Variants in SYNPR observed in about 807,000 individuals in gnomAD.
SYNPR encodes the protein synaptoporin.
Under a neutral mutation model 32.9 loss-of-function variants are expected in SYNPR, and 23 were observed. The ratio of observed to expected loss-of-function variants is 0.70; its 90% CI spans 0.50 to 0.99. SYNPR has a LOEUF of 0.99. Ranked by LOEUF, SYNPR falls within the 50% of genes least tolerant of loss-of-function variation. The pLI is 0.00. For missense variants in SYNPR, 318 were observed against 349.3 expected (o/e 0.91, Z 0.71); for synonymous variants, 146 against 135.9 (o/e 1.07, Z -0.52).
chr3:63,473,140 C>T (rs1057057340), intron 2 of SYNPR, among the ~76,000 whole-genome samples: 6 of 152,150 alleles, frequency 3.9e-5, no homozygotes, highest in African/African-American at 1.4e-4. Flanking sequence ...ACTTACTCCT[C>T]TCTGCCTAAA....
At chr3:63,205,856 T>C in the SYNPR span, among the ~76,000 whole-genome samples, 1 of 152,246 alleles carries the variant, frequency 6.6e-6, no homozygotes, top group Non-Finnish European at 1.5e-5. Flanking sequence ...CATCTTTTTA[T>C]GGAAATAACT....
At chr3:63,368,628 A>G (rs985147658) in intron 2 of SYNPR, among the ~76,000 whole-genome samples, 6 of 152,126 alleles carry the variant, frequency 3.9e-5, no homozygotes, top group Admixed American at 1.3e-4. Context: ...AAGGAATAAC[A>G]AAGAGTTCTG....
rs1702156873 is a variant in SYNPR, at chr3:63,533,993, A to G, written c.210-22550A>G. Among the ~76,000 whole-genome samples, 4 of 152,110 alleles carry G rather than the reference A, an allele frequency of 2.6e-5. No individual in the cohort carries two copies. The South Asian group carries it at 8.3e-4, about 32-fold the overall frequency. Reference sequence around the variant, plus strand: ...TGGAAAATATCCAAATTAGAAAACTACTTTAAGGACCAGAACACTCTTACA... The same window carrying G: ...TGGAAAATATCCAAATTAGAAAACTGCTTTAAGGACCAGAACACTCTTACA... On this transcript the variant is annotated intron_variant, in intron 3 of 5. Coordinates refer to ENST00000478300, the MANE Select transcript of SYNPR (RefSeq NM_001130003.2).
At chr3:63,524,424 G>T (rs6800006) in intron 3 of SYNPR, among the ~76,000 whole-genome samples, 12,905 of 152,170 alleles carry the variant, frequency 0.085, 685 homozygotes, top group Admixed American at 0.17. Flanking sequence ...TGGCTACGAA[G>T]GAGAAAGTTT....
chr3:63,497,311 T>C (rs1231346982), intron 3 of SYNPR, among the ~76,000 whole-genome samples: 2 of 152,222 alleles, frequency 1.3e-5, no homozygotes, highest in African/African-American at 2.4e-5. Flanking sequence ...TGTTTCATAG[T>C]ACTTACAAAG....
At chr3:63,211,027 T>C in the SYNPR span, among the ~76,000 whole-genome samples, 7 of 152,190 alleles carry the variant, frequency 4.6e-5, no homozygotes, top group African/African-American at 1.7e-4. Flanking sequence ...CTAATCTAAC[T>C]AGATTTGTTT....
chr3:63,593,713 T>C (rs1206943025), intron 4 of SYNPR, among the ~76,000 whole-genome samples: 2 of 152,192 alleles, frequency 1.3e-5, no homozygotes, highest in African/African-American at 2.4e-5. Flanking sequence ...AACAAGATGA[T>C]TGACTATTAC....
At chr3:63,288,114 A>T (rs1465523797) in intron 2 of SYNPR, among the ~76,000 whole-genome samples, 1 of 152,240 alleles carries the variant, frequency 6.6e-6, no homozygotes, top group Non-Finnish European at 1.5e-5. Flanking sequence ...TAACAAAAAA[A>T]TTATTTTAGT....
In SYNPR at chr3:63,595,715, TTTTATATATATATA is replaced by T. The variant is rs1359300880; in HGVS notation, c.409-13408_409-13395del. Among the ~76,000 whole-genome samples, 87 of 45,766 alleles carry T rather than the reference TTTTATATATATATA, an allele frequency of 1.9e-3. 1 individual carries two copies. Among genetic ancestry groups the T allele is most frequent in the Middle Eastern group, 0.011 (1 of 94 alleles). 30.0% of individuals were successfully genotyped at this position (45,766 alleles called of 152,430 possible). A position where few individuals can be genotyped will look rare whatever the true frequency, so the allele number is the denominator to read the frequency against. On this transcript the variant is annotated intron_variant, in intron 4 of 5. Transcript: ENST00000478300. ...ATGGTGGTGGGACTTCTGAATCTTA[TTTTATATATATATA>T]TATATATATATATATATATATATAT...
At chr3:63,316,945 C>A (rs935618197) in intron 2 of SYNPR, among the ~76,000 whole-genome samples, 3 of 151,848 alleles carry the variant, frequency 2.0e-5, no homozygotes, top group Non-Finnish European at 2.9e-5. Context: ...TATTGTCATT[C>A]AATTCAAATA....
At chr3:63,231,517 G>A (rs2086166663) in intron 1 of SYNPR, among the ~76,000 whole-genome samples, 1 of 152,168 alleles carries the variant, frequency 6.6e-6, no homozygotes, top group Non-Finnish European at 1.5e-5. Flanking sequence ...CTACTGCTTA[G>A]TGACTGCCCC....
At chr3:63,471,204 A>G (rs1266540954) in intron 2 of SYNPR, among the ~76,000 whole-genome samples, 1 of 152,210 alleles carries the variant, frequency 6.6e-6, no homozygotes, top group East Asian at 1.9e-4. Flanking sequence ...TGCAGGATGG[A>G]CCACATTGGG....
intron 1 of SYNPR, among the ~76,000 whole-genome samples, chr3:63,231,512 G>T (rs1256601798): frequency 2.0e-5 from 3 of 152,118 alleles, no homozygotes; most frequent in African/African-American, 7.2e-5. Flanking sequence ...TTCAACTACT[G>T]CTTAGTGACT....
intron 2 of SYNPR, among the ~76,000 whole-genome samples, chr3:63,415,160 T>G (rs1395086469): frequency 6.6e-6 from 1 of 152,240 alleles, no homozygotes; most frequent in African/African-American, 2.4e-5. Flanking sequence ...GCTCTTGCAG[T>G]TCTTTATGCA....
the SYNPR span, among the ~76,000 whole-genome samples, chr3:63,206,960 T>C: frequency 2.6e-5 from 4 of 152,278 alleles, no homozygotes; most frequent in East Asian, 7.7e-4. Context: ...GTAGAGAAAA[T>C]GGTTCTGCAG....
At chr3:63,254,526 T>C (rs1249848672) in intron 2 of SYNPR, among the ~76,000 whole-genome samples, 1 of 152,210 alleles carries the variant, frequency 6.6e-6, no homozygotes, top group Non-Finnish European at 1.5e-5. Flanking sequence ...TGATATATTA[T>C]GTATTTAGTG....
chr3:63,453,098 G>T (rs10866067), intron 2 of SYNPR, among the ~76,000 whole-genome samples: 1 of 151,870 alleles, frequency 6.6e-6, no homozygotes, highest in Admixed American at 6.6e-5. Context: ...TTGAGTATTG[G>T]AATCTACGTT....
chr3:63,448,072 C>T (rs932489636), intron 2 of SYNPR, among the ~76,000 whole-genome samples: 2 of 152,120 alleles, frequency 1.3e-5, no homozygotes, highest in African/African-American at 4.8e-5. Flanking sequence ...GGTGCAATCT[C>T]AGCCCACTGC....
At chr3:63,300,736 C>G (rs2086836379) in intron 2 of SYNPR, among the ~76,000 whole-genome samples, 1 of 151,990 alleles carries the variant, frequency 6.6e-6, no homozygotes, top group South Asian at 2.1e-4. Flanking sequence ...AATTTACAGT[C>G]TAGAATAACT....
Sources: gnomAD v4.1 joint callset for allele counts (sites outside exome capture counted in the v4.1 genomes callset) on GRCh38, gnomAD v4.1.1 for gene constraint, MANE v1.5 for transcripts, NCBI Gene and HGNC (gene_info 2026-07-23, HGNC 2026-07-21) for gene names.